Variants in FNIP2 observed in about 807,000 individuals in gnomAD.
FNIP2 encodes the protein folliculin-interacting protein 2.
In FNIP2, 32 loss-of-function variants were observed where a neutral mutation model predicts 108.7. The ratio of observed to expected loss-of-function variants is 0.29; its 90% CI spans 0.22 to 0.40. The LOEUF (loss-of-function observed/expected upper bound fraction) is 0.40. FNIP2 is among the 10% of genes least tolerant of loss of function. FNIP2 has a pLI of 1.00. For missense variants in FNIP2, 1,202 were observed against 1,381.6 expected (o/e 0.87, Z 2.06); for synonymous variants, 480 against 496.7 (o/e 0.97, Z 0.45).
Position 158,825,989 on chromosome 4 carries a change from C to G in FNIP2, c.181C>G (p.Gln61Glu). 17 of 1,609,286 alleles carry G rather than the reference C, an allele frequency of 1.1e-5. No homozygotes were observed. Among genetic ancestry groups the G allele is most frequent in the Non-Finnish European group, 1.4e-5 (17 of 1,175,966 alleles). The change falls in exon 2 of 17, where the codon CAA becomes GAA. Residue 61 changes from glutamine to glutamate, a missense_variant. Transcript: ENST00000264433. ...CCAGGACTGTGACAGGAGAGGCAGA[C>G]AAGTCTTGTTTGACTCTAAAGCTGT... is the stretch of plus-strand genomic sequence containing the variant. ...VYQDCDRRGRQVLFDSKAVQK... is the reference protein window; with the variant it reads ...VYQDCDRRGREVLFDSKAVQK...
chr4:158,816,522 C>T (rs555937131), intron 1 of FNIP2, among the ~76,000 whole-genome samples: 1 of 152,152 alleles, frequency 6.6e-6, no homozygotes, highest in African/African-American at 2.4e-5. Flanking sequence ...GTGGCTCATG[C>T]CTGTAATCTC....
intron 1 of FNIP2, among the ~76,000 whole-genome samples, chr4:158,791,223 A>G (rs187053897): frequency 2.2e-4 from 33 of 146,952 alleles, no homozygotes; most frequent in Admixed American, 4.1e-4. Context: ...TTTAGTGCCT[A>G]CAGACACTCT....
chr4:158,851,525 C>G, intron 8 of FNIP2, 75 bp downstream of exon 8: 1 of 1,573,598 alleles, frequency 6.4e-7, no homozygotes, highest in Admixed American at 1.8e-5. Context: ...GGAGGCTGTT[C>G]GTGCCTATTG....
intron 6 of FNIP2, 183 bp downstream of exon 6, chr4:158,833,811 AGCATGCAGCAGCAAACTGCTGCAG>A (rs1173791739): frequency 1.3e-6 from 2 of 1,515,372 alleles, no homozygotes; most frequent in African/African-American, 2.8e-5. Flanking sequence ...GTCTGCTGCA[AGCATGCAGCAGCAAACTGCTGCAG>A]GGGGTAGCTG....
In FNIP2 at chr4:158,861,486, C is replaced by A. The variant is rs1560809569; in HGVS notation, c.1293C>A (p.Asn431Lys). 6.2e-7 allele frequency: 1 copy of A among 1,613,926 alleles called. No homozygotes were observed. The highest frequency in any genetic ancestry group is 8.5e-7 in the Non-Finnish European group (1 of 1,179,888). The stretch of plus-strand genomic sequence containing the variant: ...TTCTGATAGAACAGATAAATAAAAA[C>A]CAGTAAGCTTCAACTCTCTGGAGAC... ...FTLLIEQINK[N>K]QFFAALLTAV... Residue 431 changes from asparagine to lysine, a missense_variant and splice_region_variant, in exon 11 of 17, where the codon AAC (asparagine) becomes AAA (lysine). Physicochemically the swap from Asn to Lys is moderately conservative, Grantham distance 94. Around this residue, in one of 5 missense-constraint regions of FNIP2, gnomAD observed 878 missense variants for 990.3 expected, o/e 0.89. Transcript: ENST00000264433.
At chr4:158,844,072 T>C (rs144156106) in intron 7 of FNIP2, among the ~76,000 whole-genome samples, 16 of 152,368 alleles carry the variant, frequency 1.1e-4, no homozygotes, top group African/African-American at 3.8e-4. Flanking sequence ...TTCTGAGTGC[T>C]TGACTTCTGC....
At chr4:158,835,268 A>G in intron 6 of FNIP2, 137 bp from the exon 7 acceptor site, 1 of 517,938 alleles carries the variant, frequency 1.9e-6, no homozygotes, top group Middle Eastern at 3.4e-4. Flanking sequence ...TTTGCCTTCT[A>G]GTTAATCTCT....
chr4:158,791,266 C>CTTTTTTTTTTTTTTTTTTTTTT (rs199714823), intron 1 of FNIP2, among the ~76,000 whole-genome samples: 5 of 98,050 alleles, frequency 5.1e-5, no homozygotes, highest in African/African-American at 4.0e-5. Flanking sequence ...ACTGAGGATC[C>CTTTTTTTTTTTTTTTTTTTTTT]TTTTTTTTTT....
At chr4:158,896,643 C>G (rs1446428523) in intron 16 of FNIP2, among the ~76,000 whole-genome samples, 1 of 152,164 alleles carries the variant, frequency 6.6e-6, no homozygotes, top group Non-Finnish European at 1.5e-5. Flanking sequence ...CTTTCACACC[C>G]AGAATGTGAC....
intron 14 of FNIP2, among the ~76,000 whole-genome samples, chr4:158,878,291 C>G (rs1273735043): frequency 2.0e-5 from 3 of 152,108 alleles, no homozygotes; most frequent in Admixed American, 2.0e-4. Flanking sequence ...GGCTTGAGAC[C>G]TGGAATCAAG....
chr4:158,822,141 A>C (rs1030942571), intron 1 of FNIP2, among the ~76,000 whole-genome samples: 2 of 151,622 alleles, frequency 1.3e-5, no homozygotes, highest in African/African-American at 4.8e-5. Context: ...AACCAAAGAC[A>C]GTATTCATAT....
rs1779368420 is a variant in FNIP2, at chr4:158,845,767, G to A, written c.728-5554G>A. On this transcript the variant is annotated intron_variant, in intron 7 of 16. Coordinates refer to ENST00000264433, the MANE Select transcript of FNIP2 (RefSeq NM_020840.3). ...GTTAGTCCTCTTGCATTTGAAAGTT[G>A]TACTGAATTGTTATCTAGAGTATAT... Among the ~76,000 whole-genome samples, 3 of 152,234 alleles carry A rather than the reference G, an allele frequency of 2.0e-5. No homozygotes were observed. The South Asian group carries it at 6.2e-4, about 31-fold the overall frequency.
At chr4:158,856,690 G>A (rs1284221857) in intron 8 of FNIP2, among the ~76,000 whole-genome samples, 1 of 152,082 alleles carries the variant, frequency 6.6e-6, no homozygotes, top group East Asian at 1.9e-4. Flanking sequence ...AGGAATCCTG[G>A]GTTCTAACTC....
intron 12 of FNIP2, 47 bp downstream of exon 12, chr4:158,861,823 G>A (rs1560810126): frequency 1.9e-6 from 3 of 1,589,384 alleles, no homozygotes; most frequent in Admixed American, 1.7e-5. Context: ...GATGGAATAG[G>A]AAAAAAATGC....
chr4:158,851,688 T>G lies in FNIP2; in HGVS notation c.857+238T>G, dbSNP rs143754139. Among the ~76,000 whole-genome samples the G allele has an allele frequency of 7.7e-3, 1,166 of 152,344 alleles. 12 individuals carry two copies. Among genetic ancestry groups the G allele is most frequent in the African/African-American group, 0.026 (1,066 of 41,584 alleles). On this transcript the variant is annotated intron_variant, in intron 8 of 16. Coordinates refer to ENST00000264433, the MANE Select transcript of FNIP2 (RefSeq NM_020840.3). ...GGGGAGTATCTGGGTAGTTGTATCA[T>G]GTTGAGCTAGATTGGGTGTTCATTT...
intron 1 of FNIP2, among the ~76,000 whole-genome samples, chr4:158,792,039 A>G (rs1032841330): frequency 5.9e-5 from 9 of 152,022 alleles, no homozygotes; most frequent in Admixed American, 6.6e-5. Flanking sequence ...AGGAGGTTGA[A>G]GCTACAGTGA....
chr4:158,825,483 C>T (rs924959549), intron 1 of FNIP2, among the ~76,000 whole-genome samples: 3 of 152,144 alleles, frequency 2.0e-5, no homozygotes, highest in African/African-American at 7.2e-5. Context: ...AGAGAAGGCT[C>T]TACCGACTTG....
At chr4:158,861,517 T>G (rs751666889) in intron 11 of FNIP2, 29 bp downstream of exon 11, 13 of 1,613,792 alleles carry the variant, frequency 8.1e-6, no homozygotes, top group Non-Finnish European at 9.3e-6. Flanking sequence ...GAGACTTGTA[T>G]GCAAATCTCA....
At chr4:158,837,039 G>T (rs1407213872) in intron 7 of FNIP2, among the ~76,000 whole-genome samples, 1 of 152,182 alleles carries the variant, frequency 6.6e-6, no homozygotes. Flanking sequence ...CAATAAGCAT[G>T]TGTTTACAGA....
Sources: gnomAD v4.1 joint callset for allele counts (sites outside exome capture counted in the v4.1 genomes callset) on GRCh38, gnomAD v4.1.1 for gene constraint, gnomAD v4.1.1 regional missense constraint, MANE v1.5 for transcripts, NCBI Gene and HGNC (gene_info 2026-07-23, HGNC 2026-07-21) for gene names.